The following GDPD5 variants were observed in gnomAD, a reference collection of about 807,000 sequenced individuals.
GDPD5 encodes the protein glycerophosphodiester phosphodiesterase domain containing 5, also known as glycerophosphodiester phosphodiesterase 2.
GDPD5 carries 48 observed loss-of-function variants against 75.1 expected under a neutral mutation model. That is an observed-to-expected ratio of 0.64 (90% CI 0.51 to 0.81). The LOEUF is 0.81. Ranked by LOEUF, GDPD5 falls within the 40% of genes least tolerant of loss-of-function variation. The probability of loss-of-function intolerance (pLI) is 0.00; values close to 1 mark genes in which losing one functional copy is unlikely to be tolerated. For missense variants in GDPD5, 706 were observed against 822.6 expected (o/e 0.86, Z 1.73); for synonymous variants, 336 against 339.0 (o/e 0.99, Z 0.10).
intron 9 of GDPD5, among the ~76,000 whole-genome samples, chr11:75,446,181 T>G (rs374116026): frequency 3.3e-5 from 5 of 152,306 alleles, no homozygotes; most frequent in Admixed American, 3.3e-4. Context: ...AGGCAGAAGC[T>G]TGGAAGGGGT....
At chr11:75,504,462 T>C (rs530614034) in intron 1 of GDPD5, among the ~76,000 whole-genome samples, 1 of 152,292 alleles carries the variant, frequency 6.6e-6, no homozygotes, top group Non-Finnish European at 1.5e-5. Flanking sequence ...GAATGTGGTC[T>C]AGCCACACAA....
At chr11:75,471,736 C>G (rs151128685) in intron 3 of GDPD5, among the ~76,000 whole-genome samples, 2 of 152,154 alleles carry the variant, frequency 1.3e-5, no homozygotes, top group African/African-American at 4.8e-5. Flanking sequence ...TCCCCTGGAG[C>G]GTGACGTGGT....
intron 1 of GDPD5, among the ~76,000 whole-genome samples, chr11:75,504,381 T>A (rs1482157894): frequency 6.6e-6 from 1 of 151,828 alleles, no homozygotes; most frequent in South Asian, 2.1e-4. Flanking sequence ...ACTTCAAAAC[T>A]CCCTACTCTT....
intron 1 of GDPD5, among the ~76,000 whole-genome samples, chr11:75,509,544 G>A (rs528715855): frequency 6.6e-6 from 1 of 152,310 alleles, no homozygotes; most frequent in South Asian, 2.1e-4. Context: ...GCCAAGAACT[G>A]TTTACTTGTT....
At chr11:75,441,566 GTGT>G in intron 13 of GDPD5, 77 bp downstream of exon 13, 3 of 1,260,550 alleles carry the variant, frequency 2.4e-6, no homozygotes, top group Non-Finnish European at 3.3e-6. Flanking sequence ...GTGTGTGTGT[GTGT>G]TGGGGGGTGG....
In GDPD5 at chr11:75,442,399, C is replaced by A; in HGVS notation, c.1131G>T (p.Leu377=). Residue 377 remains leucine (L), a synonymous_variant, in exon 12 of 17, where the codon CTG becomes CTT. Transcript: ENST00000336898. ...GGAAGCCGGAGTGCAGCACGGCCTC[C>A]AGAGTCACGTTGATAAAACTGCTGC... The part of the protein sequence containing the change: ...PYRSSFINVT[L]EAVLHSGFPQ... 6.3e-7 allele frequency: 1 copy of A among 1,588,734 alleles called. No homozygotes were observed.
At chr11:75,501,410 A>G (rs1297219529) in intron 1 of GDPD5, among the ~76,000 whole-genome samples, 1 of 152,256 alleles carries the variant, frequency 6.6e-6, no homozygotes, top group Non-Finnish European at 1.5e-5. Flanking sequence ...CACAGGTGAC[A>G]TGAGTGGGCA....
In GDPD5 at chr11:75,441,628, C is replaced by T. The variant is rs752242465; in HGVS notation, c.1325+18G>A. ...CAGTCCCACCCTCTCCTGGAGGAGC[C>T]CAGGGCAGGGCAGGCACCTGAGCTC... On this transcript the variant is annotated intron_variant, in intron 13 of 16. Transcript: ENST00000336898. The T allele has an allele frequency of 3.4e-5, 52 of 1,547,232 alleles. No homozygotes were observed. Among genetic ancestry groups the T allele is most frequent in the Non-Finnish European group, 5.2e-6 (6 of 1,148,302 alleles).
intron 1 of GDPD5, among the ~76,000 whole-genome samples, chr11:75,513,755 G>A (rs1481660207): frequency 6.6e-6 from 1 of 152,212 alleles, no homozygotes; most frequent in African/African-American, 2.4e-5. Flanking sequence ...AGGAGCCCCA[G>A]ATGACCCCTC....
At chr11:75,505,434 G>A (rs778766881) in intron 1 of GDPD5, among the ~76,000 whole-genome samples, 3 of 151,504 alleles carry the variant, frequency 2.0e-5, no homozygotes, top group Non-Finnish European at 4.4e-5. Flanking sequence ...TTCCTACTAT[G>A]TGCTCCCAGG....
intron 1 of GDPD5, among the ~76,000 whole-genome samples, chr11:75,513,371 G>A (rs572462889): frequency 6.6e-6 from 1 of 152,298 alleles, no homozygotes; most frequent in East Asian, 1.9e-4. Context: ...CCCTTTCACA[G>A]ATGAGCAAAC....
At position 75,443,047 on chromosome 11, in the gene GDPD5, G is replaced by A. The variant is rs759209448; in HGVS notation, c.948+89C>T. The A allele has an allele frequency of 1.2e-5, 18 of 1,472,760 alleles. No individual in the cohort carries two copies. In the Middle Eastern group the frequency reaches 5.1e-4, roughly 42 times the overall value. 91.2% of individuals were successfully genotyped at this position (1,472,760 alleles called of 1,614,324 possible). Reference sequence around the variant, plus strand: ...CGAAAGCTCTGAGAGTGGGGGTCTCGAAGCTGATGGCCACCCTTGCACCTC... The same window carrying A: ...CGAAAGCTCTGAGAGTGGGGGTCTCAAAGCTGATGGCCACCCTTGCACCTC... On this transcript the variant is annotated intron_variant, in intron 11 of 16. Transcript: ENST00000336898.
chr11:75,491,392 C>T (rs1036149909), intron 1 of GDPD5, among the ~76,000 whole-genome samples: 3 of 152,206 alleles, frequency 2.0e-5, no homozygotes, highest in Non-Finnish European at 4.4e-5. Context: ...AGTGGCTTCT[C>T]CTCTAAACTT....
rs779575055 is a variant in GDPD5 at position 75,477,647 on chromosome 11, T to G, written c.89A>C (p.Tyr30Ser). The change falls in exon 3 of 17, where the codon TAC becomes TCC. Residue 30 changes from tyrosine (Y) to serine (S), a missense_variant. Coordinates refer to ENST00000336898, the MANE Select transcript of GDPD5 (RefSeq NM_030792.8). ...TGIYGCRWKR[Y>S]QRSHDDTTPW... Reference sequence around the variant, plus strand: ...TGTGGTATCATCATGGGAGCGCTGGTAGCGCTTCCAACGGCAGCCGTAGAT... The same window carrying G: ...TGTGGTATCATCATGGGAGCGCTGGGAGCGCTTCCAACGGCAGCCGTAGAT... The G allele has an allele frequency of 6.3e-6, 10 of 1,598,696 alleles. No individual in the cohort carries two copies. The highest frequency in any genetic ancestry group is 2.3e-5 in the East Asian group (1 of 44,352).
intron 1 of GDPD5, among the ~76,000 whole-genome samples, chr11:75,507,814 A>G (rs1950433688): frequency 6.6e-6 from 1 of 152,134 alleles, no homozygotes; most frequent in Non-Finnish European, 1.5e-5. Context: ...CCCATTAAGG[A>G]AAGCAAATCA....
chr11:75,524,791 A>T (rs1014398678), intron 1 of GDPD5, among the ~76,000 whole-genome samples: 1 of 152,048 alleles, frequency 6.6e-6, no homozygotes, highest in Admixed American at 6.5e-5. Context: ...CGCGGGTGAC[A>T]TGGCCAGGGA....
chr11:75,435,891 T>C (rs1217690205), intron 16 of GDPD5, among the ~76,000 whole-genome samples: 1 of 152,186 alleles, frequency 6.6e-6, no homozygotes, highest in African/African-American at 2.4e-5. Context: ...AAACCACCTG[T>C]GCCCCTGAGC....
intron 15 of GDPD5, chr11:75,438,917 G>GAAAGGTAA (rs1280069614): frequency 1.6e-5 from 3 of 185,550 alleles, no homozygotes; most frequent in Admixed American, 5.6e-5. Context: ...GAGAGGCAGA[G>GAAAGGTAA]CCAGGGAGGG....
chr11:75,488,119 A>C (rs1950048921), intron 2 of GDPD5, among the ~76,000 whole-genome samples: 1 of 150,898 alleles, frequency 6.6e-6, no homozygotes, highest in Non-Finnish European at 1.5e-5. Context: ...AGACTCACAT[A>C]CTCCTAGTGA....
Sources: allele counts gnomAD v4.1 joint callset (sites outside exome capture counted in the v4.1 genomes callset), GRCh38; gene constraint gnomAD v4.1.1; transcripts MANE v1.5; gene names NCBI Gene and HGNC (gene_info 2026-07-23, HGNC 2026-07-21).